Variants in HIGD1A observed in about 807,000 individuals in gnomAD.
HIGD1A encodes the protein HIG1 hypoxia inducible domain family member 1A.
A neutral mutation model predicts 11.3 loss-of-function variants in HIGD1A; 8 were observed. The ratio of observed to expected loss-of-function variants is 0.71; its 90% confidence interval spans 0.42 to 1.28. HIGD1A has a LOEUF of 1.28. HIGD1A is among the 50% of genes most tolerant of loss of function. The pLI is 0.01. For synonymous variants in HIGD1A, 32 were observed against 38.4 expected, an observed-to-expected ratio of 0.83 and a Z score of 0.62; for missense variants, 107 against 118.8, an observed-to-expected ratio of 0.90 and a Z score of 0.46.
At position 42,783,476 on chromosome 3, in the gene HIGD1A, A is replaced by C. The variant is rs1270329014; in HGVS notation, c.*1795T>G. ...CTAAAAACACAAAAATTAGCCCGAC[A>C]TGGTGGCGCATGCCTGTAATCCCAG... On this transcript the variant is annotated 3_prime_UTR_variant, in exon 4 of 4. Transcript: ENST00000321331. Among the ~76,000 whole-genome samples the C allele has an allele frequency of 6.6e-6, 1 of 152,094 alleles. No individual in the cohort carries two copies. The highest frequency in any genetic ancestry group is 1.5e-5 in the Non-Finnish European group (1 of 68,010).
At chr3:42,793,272 AT>A (rs1411876445) in intron 2 of HIGD1A, among the ~76,000 whole-genome samples, 5 of 152,262 alleles carry the variant, frequency 3.3e-5, no homozygotes, top group African/African-American at 1.2e-4. Flanking sequence ...TATTAAATGA[AT>A]TTTAATATGC....
chr3:42,784,075 CAAA>C lies in HIGD1A; in HGVS notation c.*1193_*1195del, dbSNP rs5848628. Among the ~76,000 whole-genome samples the C allele has an allele frequency of 4.0e-5, 4 of 100,152 alleles. No homozygotes were observed. Among genetic ancestry groups the C allele is most frequent in the African/African-American group, 3.7e-5 (1 of 27,116 alleles). The allele number at this position is 100,152 out of a possible 152,430, so 65.7% of individuals were successfully genotyped here. Reference sequence around the variant, plus strand: ...AAGATGACAGAGAATAACTCCGTCTCAAAAAAAAAAAAAAAAAATTTATATGGA... The same window carrying C: ...AAGATGACAGAGAATAACTCCGTCTCAAAAAAAAAAAAAAATTTATATGGA... On this transcript the variant is annotated 3_prime_UTR_variant, in exon 4 of 4. Coordinates refer to ENST00000321331, the MANE Select transcript of HIGD1A (RefSeq NM_014056.4).
At chr3:42,804,065 G>A in intron 1 of HIGD1A, 1 of 1,200,796 alleles carries the variant, frequency 8.3e-7, no homozygotes, top group East Asian at 2.6e-5. Context: ...CAAGCTCCGG[G>A]GAAGCTCCCG....
At position 42,786,087 on chromosome 3, in the gene HIGD1A, A is replaced by T. The variant is rs1700347251; in HGVS notation, c.173T>A (p.Ile58Asn). ...TGCCACACGCATGTGGATCAGATGAATGGACATTTTAGTATTTCCCCTGCT... is the reference window on the plus strand; with the variant it reads ...TGCCACACGCATGTGGATCAGATGATTGGACATTTTAGTATTTCCCCTGCT... ...LKSRGNTKMS[I>N]HLIHMRVAAQ... The change falls in exon 3 of 4, where the codon ATT becomes AAT. Residue 58 changes from isoleucine to asparagine, a missense_variant. Ile to Asn is a moderately radical substitution (Grantham distance 149). Transcript: ENST00000321331. The T allele has an allele frequency of 6.2e-7, 1 of 1,613,624 alleles. No homozygotes were observed. The highest frequency in any genetic ancestry group is 1.7e-5 in the Admixed American group (1 of 60,012).
At chr3:42,803,800 G>A (rs773275881) in intron 1 of HIGD1A, among the ~76,000 whole-genome samples, 38 of 152,288 alleles carry the variant, frequency 2.5e-4, no homozygotes, top group Admixed American at 9.8e-4. Flanking sequence ...GACTCGGCAG[G>A]AGAAAAATTT....
At chr3:42,802,552 A>G (rs1271133745) in intron 1 of HIGD1A, among the ~76,000 whole-genome samples, 1 of 152,244 alleles carries the variant, frequency 6.6e-6, no homozygotes, top group Non-Finnish European at 1.5e-5. Flanking sequence ...CAAAATTTTG[A>G]TAACTGTCTA....
At chr3:42,789,659 C>T (rs2125924474) in intron 2 of HIGD1A, among the ~76,000 whole-genome samples, 1 of 151,124 alleles carries the variant, frequency 6.6e-6, no homozygotes. Context: ...ATAGTTCAGA[C>T]ACCAAAAGCA....
At chr3:42,801,451 C>G (rs1700561252) in intron 1 of HIGD1A, among the ~76,000 whole-genome samples, 1 of 152,202 alleles carries the variant, frequency 6.6e-6, no homozygotes, top group Non-Finnish European at 1.5e-5. Context: ...AATACCTGCT[C>G]TGCTTGTATC....
intron 2 of HIGD1A, among the ~76,000 whole-genome samples, chr3:42,787,199 C>T (rs1178579037): frequency 6.6e-6 from 1 of 151,748 alleles, no homozygotes; most frequent in African/African-American, 2.4e-5. Context: ...CATTTTAATA[C>T]AGGAAATAGA....
At chr3:42,800,809 C>G (rs1266770266) in intron 1 of HIGD1A, among the ~76,000 whole-genome samples, 1 of 151,246 alleles carries the variant, frequency 6.6e-6, no homozygotes, top group Non-Finnish European at 1.5e-5. Flanking sequence ...ATGCTTAGCT[C>G]TTATGAGATG....
intron 2 of HIGD1A, among the ~76,000 whole-genome samples, chr3:42,786,885 C>T (rs1366033705): frequency 1.3e-5 from 2 of 152,300 alleles, no homozygotes; most frequent in East Asian, 1.9e-4. Context: ...AGGTGATCCT[C>T]TTCGCTCAGC....
At chr3:42,800,002 A>G (rs1700536688) in intron 1 of HIGD1A, among the ~76,000 whole-genome samples, 2 of 152,192 alleles carry the variant, frequency 1.3e-5, no homozygotes, top group African/African-American at 4.8e-5. Context: ...ATTTTAGGCC[A>G]GTATGTTTAC....
chr3:42,796,165 GA>G lies in HIGD1A; in HGVS notation c.-22-1891del, dbSNP rs145604583. 5.1e-4 allele frequency among the ~76,000 whole-genome samples: 78 copies of G among 152,302 alleles called. No individual in the cohort carries two copies. In the East Asian group the frequency reaches 0.013, roughly 25 times the overall value. On this transcript the variant is annotated intron_variant, in intron 1 of 3. Transcript: ENST00000321331. ...CGGAGGGGGTGGTGTGCTTAGTTTA[GA>G]AAGTGAATTCATCCCTATAAGCCTC...
At chr3:42,800,340 TAAAAGA>T (rs199680705) in intron 1 of HIGD1A, among the ~76,000 whole-genome samples, 27,206 of 147,874 alleles carry the variant, frequency 0.18, 2,578 homozygotes, top group South Asian at 0.27. Context: ...TTTTAAAAAA[TAAAAGA>T]AAAAGAAAAA....
intron 1 of HIGD1A, among the ~76,000 whole-genome samples, chr3:42,794,629 T>G (rs979647215): frequency 1.3e-5 from 2 of 152,246 alleles, no homozygotes; most frequent in East Asian, 1.9e-4. Flanking sequence ...ATCAACTATT[T>G]AACTTGACAA....
intron 1 of HIGD1A, among the ~76,000 whole-genome samples, chr3:42,795,887 T>C (rs1413340756): frequency 1.3e-5 from 2 of 152,230 alleles, no homozygotes; most frequent in African/African-American, 4.8e-5. Context: ...TGAACTATTT[T>C]GAATTGCAAT....
At position 42,784,449 on chromosome 3, in the gene HIGD1A, G is replaced by A. The variant is rs1219601233; in HGVS notation, c.*822C>T. 1 of 152,384 alleles carries A rather than the reference G, an allele frequency of 6.6e-6. No individual in the cohort carries two copies. The highest frequency in any genetic ancestry group is 2.4e-5 in the African/African-American group (1 of 41,434). The allele number at this position is 152,384 out of a possible 1,614,324, so 9.4% of individuals were successfully genotyped here. A position where few individuals can be genotyped will look rare whatever the true frequency, so the allele number is the denominator to read the frequency against. ...GTATACTGTCTGGCCAAACCAGCTT[G>A]CTCATAAGTCATTAACCAAATCCAT... On this transcript the variant is annotated 3_prime_UTR_variant, in exon 4 of 4. Transcript: ENST00000321331.
At position 42,783,557 on chromosome 3, in the gene HIGD1A, G is replaced by A. The variant is rs77746108; in HGVS notation, c.*1714C>T. 6.6e-6 allele frequency among the ~76,000 whole-genome samples: 1 copy of A among 152,104 alleles called. No individual in the cohort carries two copies. Among genetic ancestry groups the A allele is most frequent in the Admixed American group, 6.5e-5 (1 of 15,268 alleles). ...ACGAAGCTAGGAGGTGGAGGGTGCC[G>A]TGAGCTCAGATCACACCACTGTACT... is the stretch of plus-strand genomic sequence containing the variant. On this transcript the variant is annotated 3_prime_UTR_variant, in exon 4 of 4. Coordinates refer to ENST00000321331, the MANE Select transcript of HIGD1A (RefSeq NM_014056.4).
intron 1 of HIGD1A, among the ~76,000 whole-genome samples, chr3:42,802,086 A>C (rs1700571995): frequency 6.6e-6 from 1 of 152,200 alleles, no homozygotes; most frequent in African/African-American, 2.4e-5. Flanking sequence ...AATAGCAAGA[A>C]AGTTGGTAGT....
Sources: allele counts gnomAD v4.1 joint callset (sites outside exome capture counted in the v4.1 genomes callset), GRCh38; gene constraint gnomAD v4.1.1; transcripts MANE v1.5; gene names NCBI Gene and HGNC (gene_info 2026-07-23, HGNC 2026-07-21).